The following FBXO4 variants were observed in gnomAD, a reference collection of about 807,000 sequenced individuals.
FBXO4 encodes the protein F-box only protein 4.
A neutral mutation model predicts 43.7 loss-of-function variants in FBXO4; 36 were observed. The ratio of observed to expected loss-of-function variants is 0.82; its 90% CI spans 0.63 to 1.09. The LOEUF is 1.09. Ranked by LOEUF, FBXO4 falls within the 50% of genes least tolerant of loss-of-function variation. FBXO4 has a pLI of 0.00. For synonymous variants in FBXO4, 180 were observed against 165.6 expected, an observed-to-expected ratio of 1.09 and a Z score of -0.67; for missense variants, 435 against 474.1, an observed-to-expected ratio of 0.92 and a Z score of 0.77.
At position 41,929,881 on chromosome 5, in the gene FBXO4, T is replaced by C. The variant is rs1183582553; in HGVS notation, c.610T>C (p.Cys204Arg). Reference protein sequence around the residue: ...VLSLMSSEELCPTAGLPQRQI... With the variant: ...VLSLMSSEELRPTAGLPQRQI... ...GAGCTTGATGTCTTCAGAGGAACTT[T>C]GCCCAACAGCTGGTTTGCCTCAGAG... The change falls in exon 3 of 7, where the codon TGC becomes CGC. Residue 204 changes from cysteine (C) to arginine (R), a missense_variant. Physicochemically the swap from Cys to Arg is radical, Grantham distance 180. Coordinates refer to ENST00000281623, the MANE Select transcript of FBXO4 (RefSeq NM_012176.3). The C allele has an allele frequency of 1.9e-6, 3 of 1,613,558 alleles. No individual in the cohort carries two copies. Among genetic ancestry groups the C allele is most frequent in the African/African-American group, 1.3e-5 (1 of 75,046 alleles).
chr5:41,984,148 AATT>A, the FBXO4 span, among the ~76,000 whole-genome samples: 1 of 152,118 alleles, frequency 6.6e-6, no homozygotes, highest in African/African-American at 2.4e-5. Flanking sequence ...TTAATTAGCA[AATT>A]TTATCCATGG....
the FBXO4 span, among the ~76,000 whole-genome samples, chr5:41,995,172 G>A: frequency 6.6e-5 from 10 of 152,294 alleles, no homozygotes; most frequent in East Asian, 3.9e-4. Context: ...TTCTTTAGCC[G>A]TAAAGTGAGT....
chr5:41,985,994 C>A, the FBXO4 span, among the ~76,000 whole-genome samples: 1 of 152,038 alleles, frequency 6.6e-6, no homozygotes, highest in Non-Finnish European at 1.5e-5. Flanking sequence ...TTAAAATTCC[C>A]GACTCTTGTC....
the FBXO4 span, among the ~76,000 whole-genome samples, chr5:41,970,618 A>G: frequency 6.6e-6 from 1 of 151,948 alleles, no homozygotes; most frequent in African/African-American, 2.4e-5. Flanking sequence ...CACAAGGAAA[A>G]AAGCTTATCT....
chr5:42,020,031 T>C, the FBXO4 span, among the ~76,000 whole-genome samples: 1 of 152,118 alleles, frequency 6.6e-6, no homozygotes, highest in Non-Finnish European at 1.5e-5. Context: ...TAATTTTAGA[T>C]ACAGAAAAGA....
chr5:41,927,027 A>G lies in FBXO4; in HGVS notation c.204A>G (p.Leu68=), dbSNP rs147111164. ...TTCTGTTTCAGATTGATGTACAGCTATATATTTTGTCCTTTCTTTCACCTC... is the reference window on the plus strand; with the variant it reads ...TTCTGTTTCAGATTGATGTACAGCTGTATATTTTGTCCTTTCTTTCACCTC... ...TLTRLPIDVQ[L]YILSFLSPHD... is the part of the protein sequence containing the mutation. Residue 68 remains leucine, a synonymous_variant, in exon 2 of 7, where the codon CTA becomes CTG. Coordinates refer to ENST00000281623, the MANE Select transcript of FBXO4 (RefSeq NM_012176.3). 1.9e-6 allele frequency: 3 copies of G among 1,607,050 alleles called. No individual in the cohort carries two copies. Among genetic ancestry groups the G allele is most frequent in the Non-Finnish European group, 2.6e-6 (3 of 1,176,418 alleles).
chr5:41,945,196 A>G (rs910086671), downstream of FBXO4, among the ~76,000 whole-genome samples: 2 of 152,246 alleles, frequency 1.3e-5, no homozygotes, highest in Non-Finnish European at 2.9e-5. Flanking sequence ...GAAACTTTCA[A>G]TACAACTATG....
the FBXO4 span, among the ~76,000 whole-genome samples, chr5:42,018,281 G>C: frequency 1.3e-5 from 2 of 151,602 alleles, no homozygotes; most frequent in Non-Finnish European, 2.9e-5. Flanking sequence ...AAAATAATGA[G>C]AACACCAAAC....
chr5:41,985,619 G>A, the FBXO4 span, among the ~76,000 whole-genome samples: 1 of 152,106 alleles, frequency 6.6e-6, no homozygotes, highest in Non-Finnish European at 1.5e-5. Context: ...GGTGAAGTGT[G>A]CTTTTAAGAA....
At chr5:41,930,021 T>C in intron 3 of FBXO4, 104 bp downstream of exon 3, 2 of 965,942 alleles carry the variant, frequency 2.1e-6, no homozygotes, top group Non-Finnish European at 3.1e-6. Context: ...TATAATGAAG[T>C]ACAGTACTTT....
At chr5:42,034,668 G>A in the FBXO4 span, among the ~76,000 whole-genome samples, 2,442 of 152,188 alleles carry the variant, frequency 0.016, 120 homozygotes, top group East Asian at 0.1. Context: ...AAAATCAGAT[G>A]GTTGTAGATG....
chr5:41,999,423 T>C, the FBXO4 span, among the ~76,000 whole-genome samples: 1 of 141,174 alleles, frequency 7.1e-6, no homozygotes, highest in South Asian at 2.2e-4. Flanking sequence ...TATGTATAAA[T>C]ATATATATAA....
the FBXO4 span, among the ~76,000 whole-genome samples, chr5:41,960,553 A>C: frequency 6.6e-6 from 1 of 152,286 alleles, no homozygotes; most frequent in East Asian, 1.9e-4. Flanking sequence ...TGGGAGTTTT[A>C]TGATGAAAGG....
the FBXO4 span, among the ~76,000 whole-genome samples, chr5:41,999,461 G>A: frequency 5.1e-4 from 32 of 62,722 alleles, 2 homozygotes; most frequent in African/African-American, 1.3e-3. Flanking sequence ...GTGTGTGTGT[G>A]TGTGTATATA....
chr5:41,947,894 A>G, the FBXO4 span, among the ~76,000 whole-genome samples: 3 of 152,296 alleles, frequency 2.0e-5, no homozygotes, highest in South Asian at 6.2e-4. Flanking sequence ...GGACCCTAAC[A>G]TAAGTGTTGA....
intron 2 of FBXO4, among the ~76,000 whole-genome samples, chr5:41,929,265 C>T (rs751196682): frequency 6.6e-6 from 1 of 152,164 alleles, no homozygotes. Flanking sequence ...TTAGCAGCAT[C>T]CTTGGCCTCT....
chr5:41,994,065 C>T, the FBXO4 span, among the ~76,000 whole-genome samples: 2 of 152,154 alleles, frequency 1.3e-5, no homozygotes, highest in East Asian at 3.9e-4. Context: ...CACTCCTAGA[C>T]AACTTGAACC....
rs761021478 is a variant in FBXO4, at chr5:41,929,938, C to A, written c.646+21C>A. The A allele has an allele frequency of 3.9e-6, 6 of 1,521,460 alleles. No individual in the cohort carries two copies. In the Admixed American group the frequency reaches 9.3e-5, roughly 24 times the overall value. The allele number at this position is 1,521,460 out of a possible 1,614,324, so 94.2% of individuals were successfully genotyped here. On this transcript the variant is annotated intron_variant, in intron 3 of 6. Coordinates refer to ENST00000281623, the MANE Select transcript of FBXO4 (RefSeq NM_012176.3). ...TGATGGTAATTTTCATGTTAATCTACAGTTAATTCAAACACTTTGAGCTTG... is the reference window on the plus strand; with the variant it reads ...TGATGGTAATTTTCATGTTAATCTAAAGTTAATTCAAACACTTTGAGCTTG...
the FBXO4 span, among the ~76,000 whole-genome samples, chr5:41,949,243 G>A: frequency 6.6e-6 from 1 of 152,112 alleles, no homozygotes; most frequent in Non-Finnish European, 1.5e-5. Flanking sequence ...GAAATAAAGG[G>A]TATTCAATTA....
Sources: gnomAD v4.1 joint callset for allele counts (sites outside exome capture counted in the v4.1 genomes callset) on GRCh38, gnomAD v4.1.1 for gene constraint, MANE v1.5 for transcripts, NCBI Gene and HGNC (gene_info 2026-07-23, HGNC 2026-07-21) for gene names.